SEMA4D: variants seen among roughly 807,000 people sequenced by gnomAD.
SEMA4D encodes semaphorin-4D.
In SEMA4D, 22 loss-of-function variants were observed where a neutral mutation model predicts 74.8. The ratio of observed to expected loss-of-function variants is 0.29; its 90% CI spans 0.21 to 0.42. The LOEUF (loss-of-function observed/expected upper bound fraction) is 0.42, where lower values mean the gene tolerates loss of function less well. Ranked by LOEUF, SEMA4D falls within the 10% of genes least tolerant of loss-of-function variation. SEMA4D has a pLI of 1.00. For missense variants in SEMA4D, 937 were observed against 1,118.4 expected (o/e 0.84, Z 2.31); for synonymous variants, 445 against 463.7 (o/e 0.96, Z 0.52).
At chr9:89,448,356 A>G (rs1372742482) in intron 2 of SEMA4D, among the ~76,000 whole-genome samples, 2 of 152,212 alleles carry the variant, frequency 1.3e-5, no homozygotes, top group African/African-American at 4.8e-5. Context: ...TGTCTACCCC[A>G]ACAGTAAATA....
intron 2 of SEMA4D, 131 bp from the exon 3 acceptor site, chr9:89,405,830 G>A: frequency 7.7e-7 from 1 of 1,291,562 alleles, no homozygotes; most frequent in East Asian, 2.9e-5. Context: ...GAAGGCAGCG[G>A]GGGACAAAGA....
chr9:89,402,334 A>T (rs945931551), intron 4 of SEMA4D, among the ~76,000 whole-genome samples: 1 of 152,218 alleles, frequency 6.6e-6, no homozygotes, highest in Admixed American at 6.5e-5. Context: ...GACCAGCTGC[A>T]ATGGATTGGG....
chr9:89,430,152 G>C (rs1325447103), intron 2 of SEMA4D, among the ~76,000 whole-genome samples: 1 of 151,964 alleles, frequency 6.6e-6, no homozygotes, highest in Non-Finnish European at 1.5e-5. Context: ...ATTTCACACA[G>C]GGAAGGGAAT....
chr9:89,378,997 T>G lies in SEMA4D; in HGVS notation c.2296A>C (p.Lys766Gln), dbSNP rs1187530963. 3.1e-6 allele frequency: 5 copies of G among 1,613,144 alleles called. No homozygotes were observed. The South Asian group carries it at 5.5e-5, about 18-fold the overall frequency. ...YKGYLPRQCL[K>Q]FRSALLIGKK... is the part of the protein sequence containing the mutation. ...CCAATTAGTAGGGCCGAGCGGAATT[T>G]CAAGCACTGTCTGGGCAGGTATCCC... Residue 766 changes from lysine (K) to glutamine (Q), a missense_variant, in exon 16 of 16, where the codon AAA becomes CAA. Lys to Gln is a moderately conservative substitution (Grantham distance 53, BLOSUM62 1). Transcript: ENST00000422704.
chr9:89,404,961 G>A lies in SEMA4D; in HGVS notation c.106+390C>T, dbSNP rs145703152. On this transcript the variant is annotated intron_variant, in intron 3 of 15. Transcript: ENST00000422704. The stretch of plus-strand genomic sequence containing the variant: ...CCAGCCACCCACCTCAGCATCCCAG[G>A]AAGTGGGGTCCCCGTCCCGTCCTCA... 7.7e-3 allele frequency among the ~76,000 whole-genome samples: 917 copies of A among 118,840 alleles called. 34 individuals are homozygous for A. Among genetic ancestry groups the A allele is most frequent in the Non-Finnish European group, 0.011 (687 of 61,618 alleles). 78.0% of individuals were successfully genotyped at this position (118,840 alleles called of 152,430 possible).
At chr9:89,470,889 G>T (rs1450243437) in intron 1 of SEMA4D, among the ~76,000 whole-genome samples, 1 of 152,174 alleles carries the variant, frequency 6.6e-6, no homozygotes, top group Non-Finnish European at 1.5e-5. Context: ...TAAGTGATTG[G>T]GAGGGAGCTG....
chr9:89,398,838 G>C (rs1841574726), intron 5 of SEMA4D, among the ~76,000 whole-genome samples: 1 of 152,124 alleles, frequency 6.6e-6, no homozygotes, highest in Non-Finnish European at 1.5e-5. Flanking sequence ...CGAATAAATG[G>C]GGCATCTCTG....
intron 9 of SEMA4D, among the ~76,000 whole-genome samples, chr9:89,389,950 T>G (rs1839441641): frequency 6.6e-6 from 1 of 152,104 alleles, no homozygotes; most frequent in Non-Finnish European, 1.5e-5. Flanking sequence ...GCAGGAGCTG[T>G]GGGGCCTAAG....
chr9:89,429,855 G>A (rs1165031909), intron 2 of SEMA4D, among the ~76,000 whole-genome samples: 2 of 152,164 alleles, frequency 1.3e-5, no homozygotes, highest in Non-Finnish European at 2.9e-5. Flanking sequence ...AGTCTACATG[G>A]TGGATGGAGT....
At chr9:89,470,582 C>T (rs1202884780) in intron 1 of SEMA4D, among the ~76,000 whole-genome samples, 7 of 152,158 alleles carry the variant, frequency 4.6e-5, no homozygotes, top group Admixed American at 3.3e-4. Context: ...TAAACACACA[C>T]GGACCATATG....
intron 7 of SEMA4D, 98 bp downstream of exon 7, chr9:89,393,464 A>G: frequency 2.0e-6 from 2 of 1,011,106 alleles, no homozygotes; most frequent in South Asian, 2.7e-5. Flanking sequence ...AACAAAGCCA[A>G]GGAAGACAGC....
At chr9:89,460,473 A>G (rs1157323925) in intron 1 of SEMA4D, among the ~76,000 whole-genome samples, 1 of 152,228 alleles carries the variant, frequency 6.6e-6, no homozygotes, top group African/African-American at 2.4e-5. Context: ...TTTGTTTTAT[A>G]TTTGACAACT....
chr9:89,423,713 C>T lies in SEMA4D; in HGVS notation c.-243-18014G>A, dbSNP rs140063214. On this transcript the variant is annotated intron_variant, in intron 2 of 15. Coordinates refer to ENST00000422704, the MANE Select transcript of SEMA4D (RefSeq NM_001371194.2). ...GATACTTCCTTAGCACCTCCCCTCC[C>T]TCTGCTACTCCCTCAGTACTTCACC... is the stretch of plus-strand genomic sequence containing the variant. Among the ~76,000 whole-genome samples the T allele has an allele frequency of 5.6e-3, 848 of 152,016 alleles. 10 individuals carry two copies. The highest frequency in any genetic ancestry group is 0.021 in the Middle Eastern group (6 of 292).
Position 89,362,090 on chromosome 9 carries a change from T to G in SEMA4D, c.*312A>C, listed in dbSNP as rs925306429. ...AGGAACCTGCACACACCCTGCTGTT[T>G]TAGTTCACGAGCAGCTATCAAAGCC... is the stretch of plus-strand genomic sequence containing the variant. On this transcript the variant is annotated 3_prime_UTR_variant, in exon 19 of 19. Transcript: ENST00000339861. 1.9e-5 allele frequency: 10 copies of G among 539,976 alleles called. No individual in the cohort carries two copies. In the South Asian group the frequency reaches 2.0e-4, roughly 11 times the overall value. The allele number at this position is 539,976 out of a possible 1,614,324, so 33.4% of individuals were successfully genotyped here.
At chr9:89,363,741 C>G (rs1365740287) in exon 17 of SEMA4D, 3 of 1,611,848 alleles carry the variant, frequency 1.9e-6, no homozygotes, top group South Asian at 1.1e-5. Context: ...AATCACTTAC[C>G]AGGTCTCATC....
At chr9:89,431,191 C>T (rs1171551044) in intron 2 of SEMA4D, among the ~76,000 whole-genome samples, 1 of 152,216 alleles carries the variant, frequency 6.6e-6, no homozygotes, top group East Asian at 1.9e-4. Flanking sequence ...AAAGGTCACA[C>T]CCAGGGAATG....
intron 2 of SEMA4D, among the ~76,000 whole-genome samples, chr9:89,448,084 C>T (rs906017304): frequency 6.6e-6 from 1 of 152,202 alleles, no homozygotes; most frequent in Non-Finnish European, 1.5e-5. Flanking sequence ...AAGTCACACT[C>T]CCACCTCAGC....
chr9:89,362,237 C>T (rs943129554), exon 19 of SEMA4D: 25 of 1,209,354 alleles, frequency 2.1e-5, no homozygotes, highest in Non-Finnish European at 2.8e-5. Context: ...CTCCACTGTC[C>T]CGCCTCTGCC....
chr9:89,408,532 G>A (rs1843787199), intron 2 of SEMA4D, among the ~76,000 whole-genome samples: 1 of 152,198 alleles, frequency 6.6e-6, no homozygotes, highest in Admixed American at 6.5e-5. Context: ...CCTTTCTCCC[G>A]TTCCATGTGA....
Sources: allele counts gnomAD v4.1 joint callset (sites outside exome capture counted in the v4.1 genomes callset), GRCh38; gene constraint gnomAD v4.1.1; transcripts MANE v1.5; gene names NCBI Gene and HGNC (gene_info 2026-07-23, HGNC 2026-07-21).